TANK: variants seen among roughly 807,000 people sequenced by gnomAD.
TANK encodes TRAF family member associated NFKB activator.
A neutral mutation model predicts 43.6 loss-of-function variants in TANK; 15 were observed. The observed-to-expected ratio is 0.34, with a 90% confidence interval of 0.23 to 0.53. The LOEUF is 0.53. Ranked by LOEUF, TANK falls within the 20% of genes least tolerant of loss-of-function variation. TANK has a pLI of 0.94. For missense variants in TANK, 417 were observed against 498.6 expected, an observed-to-expected ratio of 0.84 and a Z score of 1.56; for synonymous variants, 162 against 178.2, an observed-to-expected ratio of 0.91 and a Z score of 0.73.
chr2:161,161,453 GTGT>G lies in TANK; in HGVS notation c.-50+968_-50+970del, dbSNP rs1425567404. ...GCAGTGCATTCTGTTAAAAATTATT[GTGT>G]CCTCATTTGAGAGAGGAGGGATCCT... is the stretch of plus-strand genomic sequence containing the variant. On this transcript the variant is annotated intron_variant, in intron 1 of 7. Coordinates refer to ENST00000392749, the MANE Select transcript of TANK (RefSeq NM_001199135.3). 2.7e-5 allele frequency: 42 copies of G among 1,549,304 alleles called. No homozygotes were observed. The East Asian group carries it at 1.0e-3, about 38-fold the overall frequency.
At chr2:161,214,386 T>G (rs949717042) in intron 4 of TANK, among the ~76,000 whole-genome samples, 4 of 152,222 alleles carry the variant, frequency 2.6e-5, no homozygotes, top group Non-Finnish European at 5.9e-5. Context: ...GCAGAAGTCC[T>G]TTTGTGTATA....
At chr2:161,186,982 G>A (rs986274673) in intron 2 of TANK, among the ~76,000 whole-genome samples, 3 of 152,172 alleles carry the variant, frequency 2.0e-5, no homozygotes, top group Non-Finnish European at 4.4e-5. Context: ...TCTCACCTGA[G>A]TTAAAATAGT....
intron 7 of TANK, 32 bp downstream of exon 7, chr2:161,231,583 A>G (rs1345790793): frequency 1.3e-6 from 2 of 1,578,106 alleles, no homozygotes; most frequent in African/African-American, 1.3e-5. Flanking sequence ...ATATATTATT[A>G]TGTGTGAACA....
At chr2:161,230,623 TCA>T (rs1192069910) in intron 6 of TANK, among the ~76,000 whole-genome samples, 4 of 152,346 alleles carry the variant, frequency 2.6e-5, no homozygotes, top group African/African-American at 4.8e-5. Context: ...CTAAGCAAAC[TCA>T]CAGTTATAGC....
At chr2:161,192,587 G>C (rs1685966149) in intron 2 of TANK, among the ~76,000 whole-genome samples, 1 of 151,748 alleles carries the variant, frequency 6.6e-6, no homozygotes. Context: ...CTTATCCTCT[G>C]GTACAGCCCT....
intron 4 of TANK, among the ~76,000 whole-genome samples, chr2:161,217,731 T>C (rs915032323): frequency 6.6e-6 from 1 of 151,998 alleles, no homozygotes; most frequent in African/African-American, 2.4e-5. Flanking sequence ...TTTTGGTTTT[T>C]TTCTGGCTGA....
intron 1 of TANK, among the ~76,000 whole-genome samples, chr2:161,179,045 A>C (rs1306011372): frequency 1.3e-5 from 2 of 152,146 alleles, no homozygotes; most frequent in African/African-American, 4.8e-5. Flanking sequence ...GTAGGACTGA[A>C]GGGATGTGAT....
upstream of TANK, chr2:161,156,298 C>A (rs1461398236): frequency 3.0e-6 from 3 of 985,148 alleles, no homozygotes; most frequent in Non-Finnish European, 3.6e-6. Flanking sequence ...TGATTATGTC[C>A]AAATTATATG....
At chr2:161,206,700 A>G (rs1686669535) in intron 4 of TANK, among the ~76,000 whole-genome samples, 1 of 152,112 alleles carries the variant, frequency 6.6e-6, no homozygotes. Flanking sequence ...TTATTTTGCA[A>G]AAGAGGAAAT....
upstream of TANK, chr2:161,160,304 C>T: frequency 4.8e-6 from 3 of 624,872 alleles, no homozygotes; most frequent in Non-Finnish European, 6.9e-6. Flanking sequence ...GGCAGAAGAG[C>T]CCTGGGCTGG....
intron 2 of TANK, among the ~76,000 whole-genome samples, chr2:161,194,848 T>A (rs745693958): frequency 4.0e-5 from 6 of 148,328 alleles, no homozygotes; most frequent in Non-Finnish European, 5.9e-5. Context: ...CTCTTTTTTT[T>A]ATGTTTTTTT....
intron 2 of TANK, among the ~76,000 whole-genome samples, chr2:161,183,068 C>T (rs570984575): frequency 1.3e-3 from 197 of 152,248 alleles, no homozygotes; most frequent in African/African-American, 4.5e-3. Flanking sequence ...CCACAGCTAG[C>T]CATGCAATTA....
intron 4 of TANK, among the ~76,000 whole-genome samples, chr2:161,209,967 G>A (rs182850731): frequency 5.9e-5 from 9 of 152,244 alleles, no homozygotes; most frequent in Admixed American, 2.6e-4. Flanking sequence ...GTGTTCTCAT[G>A]TCTATATATT....
chr2:161,180,701 A>C (rs1685378894), intron 2 of TANK, among the ~76,000 whole-genome samples: 1 of 152,156 alleles, frequency 6.6e-6, no homozygotes, highest in Non-Finnish European at 1.5e-5. Context: ...CATGCAACTC[A>C]ACATTGGATC....
At chr2:161,222,875 G>A (rs1687418297) in intron 4 of TANK, 1 of 151,862 alleles carries the variant, frequency 6.6e-6, no homozygotes, top group Non-Finnish European at 1.5e-5. Flanking sequence ...AAAAAACTGG[G>A]AAATAAATTG....
At chr2:161,212,807 G>A (rs1686950055) in intron 4 of TANK, 1 of 981,530 alleles carries the variant, frequency 1.0e-6, no homozygotes, top group Non-Finnish European at 1.2e-6. Context: ...GATAGGTAAG[G>A]AATAGCCCCC....
intron 1 of TANK, among the ~76,000 whole-genome samples, chr2:161,150,738 A>G (rs556754040): frequency 6.5e-4 from 99 of 151,750 alleles, no homozygotes; most frequent in African/African-American, 2.3e-3. Context: ...AGGCACACGC[A>G]TACCACCACA....
chr2:161,175,500 A>G lies in TANK; in HGVS notation c.-49-4114A>G, dbSNP rs533651281. On this transcript the variant is annotated intron_variant, in intron 1 of 7. Coordinates refer to ENST00000392749, the MANE Select transcript of TANK (RefSeq NM_001199135.3). ...ATCTGAATCCCTTGCTGTTCCCCAT[A>G]TGGTGCCTTACACATCATAAGCCAG... 1.4e-4 allele frequency among the ~76,000 whole-genome samples: 22 copies of G among 152,278 alleles called. 2 individuals carry two copies. The South Asian group carries it at 4.1e-3, about 29-fold the overall frequency.
At chr2:161,143,934 A>C (rs569000632) in intron 1 of TANK, among the ~76,000 whole-genome samples, 1 of 152,240 alleles carries the variant, frequency 6.6e-6, no homozygotes, top group African/African-American at 2.4e-5. Flanking sequence ...CCATGAATCC[A>C]TCTGGTCCTG....
Sources: allele counts gnomAD v4.1 joint callset (sites outside exome capture counted in the v4.1 genomes callset), GRCh38; gene constraint gnomAD v4.1.1; transcripts MANE v1.5; gene names NCBI Gene and HGNC (gene_info 2026-07-23, HGNC 2026-07-21).